Variants in MYL12B observed in about 807,000 individuals in gnomAD.
MYL12B encodes myosin regulatory light chain 12B.
MYL12B carries 3 observed loss-of-function variants against 12.9 expected under a neutral mutation model. That is an observed-to-expected ratio of 0.23 (90% CI 0.11 to 0.60). The LOEUF (loss-of-function observed/expected upper bound fraction) is 0.60, where lower values mean the gene tolerates loss of function less well. Among genes scored for constraint, MYL12B ranks in the 20% least tolerant of loss-of-function variants. MYL12B has a pLI of 0.89. For synonymous variants in MYL12B, 57 were observed against 71.9 expected, an observed-to-expected ratio of 0.79 and a Z score of 1.05; for missense variants, 120 against 215.4, an observed-to-expected ratio of 0.56 and a Z score of 2.77.
chr18:3,277,713 C>A, intron 3 of MYL12B, 52 bp from the exon 4 acceptor site: 1 of 1,559,956 alleles, frequency 6.4e-7, no homozygotes, highest in South Asian at 1.2e-5. Flanking sequence ...AATGAACCAT[C>A]AAAGTGCCAG....
At chr18:3,264,770 T>G (rs2144351666) in intron 1 of MYL12B, among the ~76,000 whole-genome samples, 1 of 152,154 alleles carries the variant, frequency 6.6e-6, no homozygotes, top group East Asian at 1.9e-4. Context: ...TTATAAGAAG[T>G]TCAAAAACAA....
In MYL12B at chr18:3,277,262, C is replaced by A; in HGVS notation, c.194C>A (p.Pro65His). The A allele has an allele frequency of 6.3e-7, 1 of 1,590,122 alleles. No individual in the cohort carries two copies. Among genetic ancestry groups the A allele is most frequent in the South Asian group, 1.1e-5 (1 of 87,036 alleles). ...HDMLASLGKN[P>H]TDAYLDAMMN... Reference sequence around the variant, plus strand: ...ATGTGTATTCTTACAGGGAAGAATCCCACTGATGCATACCTTGATGCCATG... The same window carrying A: ...ATGTGTATTCTTACAGGGAAGAATCACACTGATGCATACCTTGATGCCATG... The change falls in exon 3 of 4, where the codon CCC (proline) becomes CAC (histidine). Residue 65 changes from proline to histidine, a missense_variant. Physicochemically the swap from Pro to His is moderately conservative, Grantham distance 77. Coordinates refer to ENST00000237500, the MANE Select transcript of MYL12B (RefSeq NM_033546.4).
Position 3,277,237 on chromosome 18 carries a change from A to G in MYL12B, c.185-16A>G. ...AATGTTTTTGTCTTTAAATGTTAAAATGTGTATTCTTACAGGGAAGAATCC... is the reference window on the plus strand; with the variant it reads ...AATGTTTTTGTCTTTAAATGTTAAAGTGTGTATTCTTACAGGGAAGAATCC... On this transcript the variant is annotated splice_polypyrimidine_tract_variant and intron_variant, in intron 2 of 3. Coordinates refer to ENST00000237500, the MANE Select transcript of MYL12B (RefSeq NM_033546.4). The G allele has an allele frequency of 6.5e-7, 1 of 1,544,586 alleles. No individual in the cohort carries two copies. The highest frequency in any genetic ancestry group is 8.7e-7 in the Non-Finnish European group (1 of 1,143,026).
chr18:3,264,605 G>A (rs1229619442), intron 1 of MYL12B, among the ~76,000 whole-genome samples: 2 of 152,174 alleles, frequency 1.3e-5, no homozygotes, highest in African/African-American at 4.8e-5. Context: ...CCAGCTGCTC[G>A]AGGCTGAGTC....
chr18:3,265,726 A>G (rs930846662), intron 1 of MYL12B, among the ~76,000 whole-genome samples: 3 of 152,176 alleles, frequency 2.0e-5, no homozygotes, highest in Non-Finnish European at 4.4e-5. Context: ...AAAAGGACAG[A>G]GCTTTGAGAC....
chr18:3,273,246 T>C (rs1947344093), intron 2 of MYL12B, among the ~76,000 whole-genome samples, 164 bp downstream of exon 2: 2 of 152,186 alleles, frequency 1.3e-5, no homozygotes, highest in Non-Finnish European at 2.9e-5. Context: ...GCCAGTCATA[T>C]GGAGATAAGC....
intron 3 of MYL12B, 43 bp from the exon 4 acceptor site, chr18:3,277,722 A>G (rs759538530): frequency 1.7e-5 from 26 of 1,575,238 alleles, no homozygotes; most frequent in Non-Finnish European, 1.1e-5. Flanking sequence ...TCAAAGTGCC[A>G]GGAAGTATTG....
At chr18:3,277,474 A>G in intron 3 of MYL12B, 60 bp downstream of exon 3, 1 of 1,547,964 alleles carries the variant, frequency 6.5e-7, no homozygotes, top group South Asian at 1.3e-5. Flanking sequence ...CTTCTGTGAA[A>G]TAGAAGGGGT....
In MYL12B at chr18:3,278,130, G is replaced by T. The variant is rs971697337; in HGVS notation, c.*193G>T. ...TCAGACTGGAAATGGGGATGAGGGT[G>T]TAAATTGTATTGAAAAAGATCGCGA... On this transcript the variant is annotated 3_prime_UTR_variant, in exon 4 of 4. Transcript: ENST00000237500. The T allele has an allele frequency of 2.0e-6, 1 of 506,998 alleles. No homozygotes were observed. Among genetic ancestry groups the T allele is most frequent in the Middle Eastern group, 5.4e-4 (1 of 1,858 alleles). The allele number at this position is 506,998 out of a possible 1,614,324, so 31.4% of individuals were successfully genotyped here. A position where few individuals can be genotyped will look rare whatever the true frequency, so the allele number is the denominator to read the frequency against.
intron 1 of MYL12B, among the ~76,000 whole-genome samples, chr18:3,271,341 G>C (rs1224941005): frequency 6.6e-6 from 1 of 152,200 alleles, no homozygotes; most frequent in East Asian, 1.9e-4. Flanking sequence ...AGTAAGGACT[G>C]TAAGGCTGGT....
At chr18:3,264,390 G>GA (rs1468060671) in intron 1 of MYL12B, among the ~76,000 whole-genome samples, 3 of 152,196 alleles carry the variant, frequency 2.0e-5, no homozygotes, top group Non-Finnish European at 4.4e-5. Context: ...GTCCAAGGTG[G>GA]AAAGGCAAAA....
At chr18:3,274,111 C>A (rs1036643027) in intron 2 of MYL12B, among the ~76,000 whole-genome samples, 2 of 152,074 alleles carry the variant, frequency 1.3e-5, no homozygotes, top group African/African-American at 4.8e-5. Context: ...AGAGTAGAAT[C>A]AAAGATTTTT....
At chr18:3,270,100 T>C (rs1486967391) in intron 1 of MYL12B, among the ~76,000 whole-genome samples, 3 of 152,180 alleles carry the variant, frequency 2.0e-5, no homozygotes, top group Non-Finnish European at 4.4e-5. Context: ...GAAAGCCAGA[T>C]TGTGGTGGGT....
intron 1 of MYL12B, among the ~76,000 whole-genome samples, chr18:3,272,576 C>A (rs1171760126): frequency 6.6e-6 from 1 of 152,200 alleles, no homozygotes; most frequent in Non-Finnish European, 1.5e-5. Context: ...GTTGCCCAGG[C>A]AAGTCTCGAA....
intron 1 of MYL12B, among the ~76,000 whole-genome samples, chr18:3,267,409 CT>C: frequency 6.6e-6 from 1 of 152,210 alleles, no homozygotes; most frequent in Non-Finnish European, 1.5e-5. Context: ...ACAATTTCTG[CT>C]TATTAATGAT....
intron 2 of MYL12B, among the ~76,000 whole-genome samples, chr18:3,275,546 G>A (rs1161933529): frequency 1.3e-5 from 2 of 152,134 alleles, no homozygotes; most frequent in African/African-American, 4.8e-5. Flanking sequence ...TTATATGCCT[G>A]TATCAAAGTA....
chr18:3,277,629 C>G lies in MYL12B; in HGVS notation c.347-136C>G, dbSNP rs540663957. Reference sequence around the variant, plus strand: ...AAACATAATGATATAGTTCATATAGCCTTAGTTCACTAACTTACTTTGTTT... The same window carrying G: ...AAACATAATGATATAGTTCATATAGGCTTAGTTCACTAACTTACTTTGTTT... On this transcript the variant is annotated intron_variant, in intron 3 of 3. Transcript: ENST00000237500. The G allele has an allele frequency of 8.0e-5, 101 of 1,269,858 alleles. No homozygotes were observed. The African/African-American group carries it at 1.5e-3, about 18-fold the overall frequency. The allele number at this position is 1,269,858 out of a possible 1,614,324, so 78.7% of individuals were successfully genotyped here. A position where few individuals can be genotyped will look rare whatever the true frequency, so the allele number is the denominator to read the frequency against.
At chr18:3,269,838 G>A (rs1263995375) in intron 1 of MYL12B, among the ~76,000 whole-genome samples, 1 of 152,208 alleles carries the variant, frequency 6.6e-6, no homozygotes, top group Non-Finnish European at 1.5e-5. Context: ...CTGAGCTAGA[G>A]TAAGTCAAAT....
chr18:3,272,251 A>C (rs1226200089), intron 1 of MYL12B: 1 of 196,300 alleles, frequency 5.1e-6, no homozygotes, highest in Non-Finnish European at 8.6e-6. Flanking sequence ...ACTGATGAAA[A>C]ATTGAGGCTC....
Sources: gnomAD v4.1 joint callset for allele counts (sites outside exome capture counted in the v4.1 genomes callset) on GRCh38, gnomAD v4.1.1 for gene constraint, MANE v1.5 for transcripts, NCBI Gene and HGNC (gene_info 2026-07-23, HGNC 2026-07-21) for gene names.